AP3D1: variants seen among roughly 807,000 people sequenced by gnomAD.
AP3D1 encodes adaptor related protein complex 3 subunit delta 1.
Under a neutral mutation model 147.6 loss-of-function variants are expected in AP3D1, and 51 were observed. The observed-to-expected ratio is 0.35, with a 90% CI of 0.28 to 0.44. AP3D1 has a LOEUF of 0.44. AP3D1 is among the 20% of genes least tolerant of loss of function. The pLI is 1.00. For synonymous variants in AP3D1, 760 were observed against 663.0 expected (o/e 1.15, Z -2.25); for missense variants, 1,421 against 1,624.2 (o/e 0.87, Z 2.15).
chr19:2,137,558 C>G (rs559948726), intron 3 of AP3D1, among the ~76,000 whole-genome samples, 169 bp downstream of exon 3: 1 of 152,092 alleles, frequency 6.6e-6, no homozygotes, highest in Non-Finnish European at 1.5e-5. Flanking sequence ...TCAGGTGATC[C>G]GCCTGTCTCA....
chr19:2,142,022 A>G lies in AP3D1; in HGVS notation c.97-3308T>C, dbSNP rs183888201. Among the ~76,000 whole-genome samples the G allele has an allele frequency of 1.6e-4, 24 of 150,850 alleles. No homozygotes were observed. In the East Asian group the frequency reaches 3.5e-3, roughly 22 times the overall value. ...TTTACATATATGTTTATTTATATAT[A>G]TATATGTATCTTTTGAGACAGAGTT... On this transcript the variant is annotated intron_variant, in intron 1 of 31. Transcript: ENST00000643116.
intron 14 of AP3D1, among the ~76,000 whole-genome samples, chr19:2,120,336 C>T (rs2145064506): frequency 6.6e-6 from 1 of 152,236 alleles, no homozygotes; most frequent in East Asian, 1.9e-4. Context: ...GGGGCAGTGT[C>T]GATAAGACCC....
intron 21 of AP3D1, among the ~76,000 whole-genome samples, chr19:2,114,513 T>C (rs1173946167): frequency 6.6e-6 from 1 of 152,158 alleles, no homozygotes; most frequent in African/African-American, 2.4e-5. Context: ...TGTCAAGGCA[T>C]GGAGACCTCC....
Position 2,111,271 on chromosome 19 carries a change from C to A in AP3D1, c.2985+14G>T. On this transcript the variant is annotated intron_variant, in intron 26 of 31. Coordinates refer to ENST00000643116, the MANE Select transcript of AP3D1 (RefSeq NM_001261826.3). ...GGCTGGCCCACCCTGCCCCTGGGAG[C>A]GGCTGCCACTCACCATTTTAACATA... 6.2e-7 allele frequency: 1 copy of A among 1,613,674 alleles called. No individual in the cohort carries two copies. Among genetic ancestry groups the A allele is most frequent in the Non-Finnish European group, 8.5e-7 (1 of 1,179,934 alleles).
intron 6 of AP3D1, among the ~76,000 whole-genome samples, chr19:2,129,914 C>G (rs1006518151): frequency 1.3e-5 from 2 of 152,212 alleles, no homozygotes; most frequent in African/African-American, 4.8e-5. Flanking sequence ...CTTGGGATTC[C>G]TGTGGGCTGG....
Position 2,125,733 on chromosome 19 carries a change from T to C in AP3D1, c.856+1419A>G, listed in dbSNP as rs368295697. 2.8e-4 allele frequency among the ~76,000 whole-genome samples: 42 copies of C among 151,582 alleles called. 1 individual carries two copies. The East Asian group carries it at 7.1e-3, about 26-fold the overall frequency. ...AAACAGAAATGTAGGCCGGGCGCGG[T>C]GTGTAGATGTGTTAATTATCTGAAT... On this transcript the variant is annotated intron_variant, in intron 9 of 31. Transcript: ENST00000643116.
chr19:2,139,663 G>A (rs1481750899), intron 1 of AP3D1, among the ~76,000 whole-genome samples: 2 of 152,158 alleles, frequency 1.3e-5, no homozygotes, highest in African/African-American at 4.8e-5. Flanking sequence ...AGTGAACGAT[G>A]AGGCACCCAC....
intron 9 of AP3D1, 55 bp from the exon 10 acceptor site, chr19:2,123,934 C>T (rs1476576290): frequency 2.6e-6 from 4 of 1,546,036 alleles, no homozygotes; most frequent in Non-Finnish European, 3.5e-6. Flanking sequence ...AGCGCCGACA[C>T]CAACTCAGGG....
chr19:2,160,081 C>T (rs2019683719), intron 1 of AP3D1, among the ~76,000 whole-genome samples: 1 of 150,980 alleles, frequency 6.6e-6, no homozygotes, highest in African/African-American at 2.4e-5. Context: ...GAACTCCTGA[C>T]CTCATGATCT....
At chr19:2,109,043 C>A (rs756763892) in intron 30 of AP3D1, 43 bp downstream of exon 30, 2 of 1,600,820 alleles carry the variant, frequency 1.2e-6, no homozygotes, top group South Asian at 1.1e-5. Context: ...CTGCCGCGTG[C>A]GTGAAAGCCC....
chr19:2,112,051 G>A, intron 24 of AP3D1: 3 of 653,332 alleles, frequency 4.6e-6, no homozygotes, highest in South Asian at 3.9e-5. Context: ...CGCCAAAGCA[G>A]CCCGGGGAAC....
intron 8 of AP3D1, among the ~76,000 whole-genome samples, chr19:2,127,427 G>A (rs1051216286): frequency 6.6e-6 from 1 of 152,224 alleles, no homozygotes. Context: ...CTGCAGGCCC[G>A]TGACAGCATC....
intron 1 of AP3D1, among the ~76,000 whole-genome samples, chr19:2,144,542 G>A (rs1453482566): frequency 6.6e-6 from 1 of 152,146 alleles, no homozygotes; most frequent in Non-Finnish European, 1.5e-5. Flanking sequence ...CCGTCTCTGT[G>A]CTCAGTCCTG....
chr19:2,155,661 C>A (rs952181152), upstream of AP3D1, among the ~76,000 whole-genome samples: 12 of 152,118 alleles, frequency 7.9e-5, no homozygotes, highest in Admixed American at 6.6e-4. Context: ...TTGGTCTCCA[C>A]CTCCTCCTCC....
intron 1 of AP3D1, among the ~76,000 whole-genome samples, chr19:2,158,352 G>T (rs892988572): frequency 1.4e-5 from 2 of 146,468 alleles, no homozygotes; most frequent in Non-Finnish European, 3.0e-5. Flanking sequence ...CAACGTGCTC[G>T]ACCTGTTTTT....
chr19:2,147,527 G>C (rs1314782086), intron 1 of AP3D1, among the ~76,000 whole-genome samples: 1 of 147,938 alleles, frequency 6.8e-6, no homozygotes, highest in African/African-American at 2.5e-5. Flanking sequence ...CTGCACTCCA[G>C]CCTGGGCAAC....
At chr19:2,116,146 C>T (rs1393968729) in intron 18 of AP3D1, 61 bp downstream of exon 18, 21 of 1,541,376 alleles carry the variant, frequency 1.4e-5, no homozygotes, top group Admixed American at 3.4e-5. Context: ...ATGGATGCCG[C>T]GGGGCTCGGG....
chr19:2,138,601 C>G lies in AP3D1; in HGVS notation c.192+18G>C. The G allele has an allele frequency of 6.2e-7, 1 of 1,605,298 alleles. No individual in the cohort carries two copies. Among genetic ancestry groups the G allele is most frequent in the East Asian group, 2.2e-5 (1 of 44,848 alleles). On this transcript the variant is annotated intron_variant, in intron 2 of 31. Transcript: ENST00000643116. ...GCAGCCCGACAGTGCTGGGCGCTGG[C>G]CACTGGGAGGCACTTACATACGTCA...
At chr19:2,164,564 G>A, upstream of AP3D1, 1 of 243,562 alleles carries the variant, frequency 4.1e-6, no homozygotes, top group Non-Finnish European at 7.9e-6. Context: ...GGTAACTCGT[G>A]CCGGCCGCGT....
Sources: allele counts gnomAD v4.1 joint callset (sites outside exome capture counted in the v4.1 genomes callset), GRCh38; gene constraint gnomAD v4.1.1; transcripts MANE v1.5; gene names NCBI Gene and HGNC (gene_info 2026-07-23, HGNC 2026-07-21).